The following RTN1 variants were observed in gnomAD, a reference collection of about 807,000 sequenced individuals.
RTN1 encodes reticulon 1, also known as reticulon-1.
In RTN1, 25 loss-of-function variants were observed where a neutral mutation model predicts 65.5. The observed-to-expected ratio is 0.38, with a 90% confidence interval of 0.28 to 0.53. RTN1 has a LOEUF of 0.53. Among genes scored for constraint, RTN1 ranks in the 20% least tolerant of loss-of-function variants. The pLI, the probability that RTN1 is intolerant of heterozygous loss-of-function variation, is 0.79. For synonymous variants in RTN1, 471 were observed against 447.6 expected (o/e 1.05, Z -0.66); for missense variants, 983 against 1,025.4 (o/e 0.96, Z 0.57).
chr14:59,611,260 C>T (rs1881941108), intron 3 of RTN1, among the ~76,000 whole-genome samples: 1 of 146,742 alleles, frequency 6.8e-6, no homozygotes, highest in East Asian at 1.9e-4. Context: ...TTCAATGGCC[C>T]CCCTCCAGTG....
chr14:59,819,447 C>T lies in RTN1; in HGVS notation c.241+50943G>A, dbSNP rs1310503271. ...CCCACCCCCCACCCCCCCCCCCCGG[C>T]CACAGCTAGACACAGAGTACAATCC... On this transcript the variant is annotated intron_variant, in intron 1 of 8. Coordinates refer to ENST00000267484, the MANE Select transcript of RTN1 (RefSeq NM_021136.3). Among the ~76,000 whole-genome samples, 16 of 77,718 alleles carry T rather than the reference C, an allele frequency of 2.1e-4. 1 individual carries two copies. Among genetic ancestry groups the T allele is most frequent in the African/African-American group, 8.7e-4 (15 of 17,150 alleles). 51.0% of individuals were successfully genotyped at this position (77,718 alleles called of 152,430 possible).
intron 1 of RTN1, among the ~76,000 whole-genome samples, chr14:59,824,365 G>C (rs951432347): frequency 6.6e-6 from 1 of 152,158 alleles, no homozygotes; most frequent in African/African-American, 2.4e-5. Flanking sequence ...TTGTGAAAGA[G>C]GGTCTGTGGA....
chr14:59,702,180 T>C (rs1274343915), intron 3 of RTN1, among the ~76,000 whole-genome samples: 1 of 152,190 alleles, frequency 6.6e-6, no homozygotes, highest in Non-Finnish European at 1.5e-5. Context: ...CATTGATTAA[T>C]CAATAATTAA....
chr14:59,827,300 A>T (rs1887050062), intron 1 of RTN1, among the ~76,000 whole-genome samples: 1 of 152,074 alleles, frequency 6.6e-6, no homozygotes, highest in African/African-American at 2.4e-5. Context: ...AGATGGTCTC[A>T]ATCTCCTGAC....
intron 1 of RTN1, among the ~76,000 whole-genome samples, chr14:59,820,356 G>GTTTTTTTTTTTTTTT (rs34274539): frequency 5.0e-5 from 4 of 79,354 alleles, no homozygotes; most frequent in African/African-American, 9.4e-5. Context: ...CTTATTGATA[G>GTTTTTTTTTTTTTTT]TTTTTTTTTT....
At chr14:59,782,225 A>G (rs1360533042) in intron 1 of RTN1, among the ~76,000 whole-genome samples, 1 of 152,156 alleles carries the variant, frequency 6.6e-6, no homozygotes, top group Non-Finnish European at 1.5e-5. Flanking sequence ...TATCTAGTTT[A>G]TGGTATTTTG....
chr14:59,721,226 C>T (rs181640701), intron 3 of RTN1, among the ~76,000 whole-genome samples: 15 of 152,328 alleles, frequency 9.8e-5, no homozygotes, highest in African/African-American at 3.4e-4. Context: ...TTTTCCCCTG[C>T]CACAAGGGGC....
rs1186247655 is a variant in RTN1 at position 59,825,548 on chromosome 14, C to T, written c.241+44842G>A. ...TGTAGCCAGCAGCATGAGAGGAAGG[C>T]GGCTGTGTCCTGGCTTTCTGGACTT... On this transcript the variant is annotated intron_variant, in intron 1 of 8. Coordinates refer to ENST00000267484, the MANE Select transcript of RTN1 (RefSeq NM_021136.3). The surrounding 1 kb of genome is among the most constrained non-coding windows in gnomAD (Gnocchi z 4.2). Among the ~76,000 whole-genome samples the T allele has an allele frequency of 2.6e-5, 4 of 152,230 alleles. 1 individual carries two copies. Among genetic ancestry groups the T allele is most frequent in the Non-Finnish European group, 4.4e-5 (3 of 68,034 alleles).
intron 3 of RTN1, among the ~76,000 whole-genome samples, chr14:59,656,462 G>A (rs915899221): frequency 2.6e-5 from 4 of 152,248 alleles, no homozygotes; most frequent in African/African-American, 9.6e-5. Flanking sequence ...GGTGAACAGA[G>A]TGAGCCGGAG....
At chr14:59,853,234 T>C (rs1423655665) in intron 1 of RTN1, among the ~76,000 whole-genome samples, 1 of 152,208 alleles carries the variant, frequency 6.6e-6, no homozygotes, top group Non-Finnish European at 1.5e-5. Flanking sequence ...TCCTCTATTA[T>C]AACCCCTCTG....
intron 3 of RTN1, among the ~76,000 whole-genome samples, chr14:59,660,216 A>G (rs1883215849): frequency 6.6e-6 from 1 of 152,220 alleles, no homozygotes; most frequent in Admixed American, 6.5e-5. Context: ...TGCACCCAAT[A>G]CAAGAGCACC....
At chr14:59,854,066 T>C (rs1594768206) in intron 1 of RTN1, among the ~76,000 whole-genome samples, 1 of 151,910 alleles carries the variant, frequency 6.6e-6, no homozygotes, top group African/African-American at 2.4e-5. Context: ...GGTTTCCCTA[T>C]GTTGGCTGGT....
At position 59,732,750 on chromosome 14, in the gene RTN1, A is replaced by C. The variant is rs745570860; in HGVS notation, c.1016-5082T>G. Among the ~76,000 whole-genome samples the C allele has an allele frequency of 2.6e-5, 4 of 152,312 alleles. No homozygotes were observed. In the Middle Eastern group the frequency reaches 0.01, roughly 389 times the overall value. ...AGGATCCCCCAACAAATATGCCTGC[A>C]ACTTAGGCAAGGTGGGAGGTCTGCA... On this transcript the variant is annotated intron_variant, in intron 2 of 8. Coordinates refer to ENST00000267484, the MANE Select transcript of RTN1 (RefSeq NM_021136.3).
At chr14:59,770,648 GAATT>G (rs1885938716) in intron 1 of RTN1, among the ~76,000 whole-genome samples, 1 of 151,920 alleles carries the variant, frequency 6.6e-6, no homozygotes, top group Non-Finnish European at 1.5e-5. Flanking sequence ...AAATTCATTG[GAATT>G]AATATTGATC....
intron 3 of RTN1, among the ~76,000 whole-genome samples, chr14:59,657,220 C>A (rs1371982876): frequency 6.6e-6 from 1 of 152,070 alleles, no homozygotes; most frequent in Non-Finnish European, 1.5e-5. Flanking sequence ...ACCAGCCTGG[C>A]CTACATGGTG....
chr14:59,692,427 T>A (rs1263604776), intron 3 of RTN1, among the ~76,000 whole-genome samples: 1 of 152,172 alleles, frequency 6.6e-6, no homozygotes, highest in Non-Finnish European at 1.5e-5. Flanking sequence ...CATTAAAAAA[T>A]GGAAAAGTAT....
At position 59,630,678 on chromosome 14, in the gene RTN1, T is replaced by G. The variant is rs887884468; in HGVS notation, c.1766-23186A>C. ...GGCGGGAGCGTCGCTGGCGCCGCAG[T>G]CTGCGCGGCCGGCAGCGAATCAGCG... On this transcript the variant is annotated intron_variant, in intron 3 of 8. Transcript: ENST00000267484. The G allele has an allele frequency of 6.7e-6, 8 of 1,186,810 alleles. No individual in the cohort carries two copies. The South Asian group carries it at 2.6e-4, about 39-fold the overall frequency. The allele number at this position is 1,186,810 out of a possible 1,614,324, so 73.5% of individuals were successfully genotyped here.
rs370855050 is a variant in RTN1, at chr14:59,759,348, G to A, written c.242-12867C>T. Among the ~76,000 whole-genome samples the A allele has an allele frequency of 3.3e-4, 50 of 152,166 alleles. No individual in the cohort carries two copies. In the South Asian group the frequency reaches 5.6e-3, roughly 17 times the overall value. On this transcript the variant is annotated intron_variant, in intron 1 of 8. Coordinates refer to ENST00000267484, the MANE Select transcript of RTN1 (RefSeq NM_021136.3). ...GTTCAAATGCATGGCTTGGAATACC[G>A]ACTCCCCCATTTACAAGCTGTGTGA... is the stretch of plus-strand genomic sequence containing the variant.
intron 3 of RTN1, among the ~76,000 whole-genome samples, chr14:59,713,433 C>T (rs928475353): frequency 2.6e-5 from 4 of 152,214 alleles, no homozygotes; most frequent in African/African-American, 9.7e-5. Flanking sequence ...CAATAATGAG[C>T]TGAGCTCCCC....
Sources: allele counts gnomAD v4.1 joint callset (sites outside exome capture counted in the v4.1 genomes callset), GRCh38; gene constraint gnomAD v4.1.1; non-coding constraint Gnocchi (gnomAD v3.1); transcripts MANE v1.5; gene names NCBI Gene and HGNC (gene_info 2026-07-23, HGNC 2026-07-21).